The following NEK1 variants were observed in gnomAD, a reference collection of about 807,000 sequenced individuals.
NEK1 encodes NIMA related kinase 1.
A neutral mutation model predicts 182.1 loss-of-function variants in NEK1; 137 were observed. The observed-to-expected ratio is 0.75, with a 90% CI of 0.65 to 0.87. The LOEUF (loss-of-function observed/expected upper bound fraction) is 0.87, where lower values mean the gene tolerates loss of function less well. Among genes scored for constraint, NEK1 ranks in the 40% least tolerant of loss-of-function variants. NEK1 has a pLI of 0.00. For missense variants in NEK1, 1,391 were observed against 1,494.4 expected (o/e 0.93, Z 1.14); for synonymous variants, 513 against 492.2 (o/e 1.04, Z -0.56).
rs1762113629 is a variant in NEK1 at position 169,556,016 on chromosome 4, A to G, written c.1346T>C (p.Ile449Thr). ...SRGQYEHYHAIFDQMQQQRAE... is the reference protein window; with the variant it reads ...SRGQYEHYHATFDQMQQQRAE... ...TCTTTGTTGCTGCATTTGGTCAAAA[A>G]TGGCATGGTAATGTTCATACTGTCC... Residue 449 changes from isoleucine to threonine, a missense_variant, in exon 17 of 36, where the codon ATT becomes ACT. Ile to Thr is a moderately conservative substitution (Grantham distance 89). Coordinates refer to ENST00000507142, the MANE Select transcript of NEK1 (RefSeq NM_001199397.3). 1 of 1,613,680 alleles carries G rather than the reference A, an allele frequency of 6.2e-7. No individual in the cohort carries two copies. Among genetic ancestry groups the G allele is most frequent in the African/African-American group, 1.3e-5 (1 of 74,934 alleles).
Position 169,424,722 on chromosome 4 carries a change from A to C in NEK1, c.3053T>G (p.Val1018Gly). 6.2e-7 allele frequency: 1 copy of C among 1,613,876 alleles called. No individual in the cohort carries two copies. The highest frequency in any genetic ancestry group is 8.5e-7 in the Non-Finnish European group (1 of 1,179,784). The change falls in exon 31 of 36, where the codon GTG becomes GGG. Residue 1018 changes from valine to glycine, a missense_variant. Transcript: ENST00000507142. The stretch of plus-strand genomic sequence containing the variant: ...TAAGTTCAAGTGTTCAGAATGAACC[A>C]CCTTATGGAAAAATGGTTCCGGTTG... ...SVQPEPFFHK[V>G]VHSEHLNLVP...
intron 16 of NEK1, 124 bp from the exon 17 acceptor site, chr4:169,556,219 A>T (rs1292510473): frequency 9.5e-6 from 8 of 842,190 alleles, no homozygotes; most frequent in Non-Finnish European, 1.4e-5. Flanking sequence ...TAATATGAAC[A>T]TACTAACAAA....
At chr4:169,432,334 C>T (rs1737595307) in intron 29 of NEK1, among the ~76,000 whole-genome samples, 1 of 152,082 alleles carries the variant, frequency 6.6e-6, no homozygotes, top group African/African-American at 2.4e-5. Flanking sequence ...GAACAATAAC[C>T]AAATTACAAA....
chr4:169,550,435 G>A (rs1445243806), intron 18 of NEK1, among the ~76,000 whole-genome samples: 1 of 152,144 alleles, frequency 6.6e-6, no homozygotes, highest in Non-Finnish European at 1.5e-5. Context: ...AAGTGAGTGA[G>A]GTCAGGAACC....
intron 34 of NEK1, 23 bp from the exon 35 acceptor site, chr4:169,400,380 A>C: frequency 6.9e-7 from 1 of 1,456,998 alleles, no homozygotes; most frequent in African/African-American, 1.4e-5. Context: ...CCCAAATATA[A>C]ATTAATATTT....
chr4:169,428,350 G>GGA (rs1411639304), intron 29 of NEK1, among the ~76,000 whole-genome samples: 475 of 12,894 alleles, frequency 0.037, 11 homozygotes, highest in Non-Finnish European at 0.065. Context: ...AAAATATATG[G>GGA]GATATATATA....
intron 19 of NEK1, among the ~76,000 whole-genome samples, chr4:169,535,875 C>T (rs1442703066): frequency 1.6e-5 from 2 of 127,372 alleles, no homozygotes; most frequent in African/African-American, 3.1e-5. Context: ...AGTTAAACTC[C>T]GTGTCAAAAA....
chr4:169,529,715 T>G (rs1201587821), intron 19 of NEK1, among the ~76,000 whole-genome samples: 1 of 152,182 alleles, frequency 6.6e-6, no homozygotes, highest in Non-Finnish European at 1.5e-5. Context: ...ATAATAGAAC[T>G]TTCAAAGCTA....
At chr4:169,589,723 A>C (rs1768118690) in intron 6 of NEK1, among the ~76,000 whole-genome samples, 1 of 152,194 alleles carries the variant, frequency 6.6e-6, no homozygotes, top group Non-Finnish European at 1.5e-5. Flanking sequence ...ATCAAAACTA[A>C]AATACAAAAC....
At chr4:169,531,620 T>C (rs1184835196) in intron 19 of NEK1, among the ~76,000 whole-genome samples, 1 of 151,988 alleles carries the variant, frequency 6.6e-6, no homozygotes. Context: ...TGGTATGGCA[T>C]AGAATAGAAG....
intron 27 of NEK1, among the ~76,000 whole-genome samples, chr4:169,450,810 T>C (rs1741571796): frequency 6.6e-6 from 1 of 152,084 alleles, no homozygotes; most frequent in Non-Finnish European, 1.5e-5. Context: ...CATAACAATA[T>C]TAACCTTAAA....
intron 18 of NEK1, among the ~76,000 whole-genome samples, chr4:169,545,751 T>C (rs534386822): frequency 0.013 from 1,997 of 152,136 alleles, 41 homozygotes; most frequent in African/African-American, 0.045. Context: ...TTCTAACTGG[T>C]GTGAGATAAT....
intron 28 of NEK1, 48 bp downstream of exon 28, chr4:169,438,033 TAA>T (rs1738746719): frequency 7.1e-7 from 1 of 1,400,108 alleles, no homozygotes; most frequent in Admixed American, 2.3e-5. Context: ...TTGTGAAATT[TAA>T]GTTTTTACTA....
intron 18 of NEK1, chr4:169,554,751 C>T (rs183793797): frequency 1.4e-4 from 22 of 152,200 alleles, no homozygotes; most frequent in African/African-American, 3.1e-4. Context: ...TATAATTATA[C>T]ATTCGTCAAA....
intron 29 of NEK1, among the ~76,000 whole-genome samples, chr4:169,432,312 C>A (rs187195008): frequency 4.5e-4 from 68 of 152,266 alleles, no homozygotes; most frequent in African/African-American, 1.5e-3. Flanking sequence ...TAAACCAGTA[C>A]AACCTCCAGG....
chr4:169,421,048 G>A (rs1735408142), intron 31 of NEK1, among the ~76,000 whole-genome samples: 1 of 152,130 alleles, frequency 6.6e-6, no homozygotes, highest in Non-Finnish European at 1.5e-5. Context: ...GCATAAGAGA[G>A]CTGGAATGGC....
At chr4:169,540,754 A>G (rs977899235) in intron 18 of NEK1, among the ~76,000 whole-genome samples, 18 of 152,128 alleles carry the variant, frequency 1.2e-4, no homozygotes, top group Non-Finnish European at 5.9e-5. Flanking sequence ...AGTAAAACAC[A>G]AAGACATTAA....
At chr4:169,489,075 A>T (rs1197390184) in intron 23 of NEK1, among the ~76,000 whole-genome samples, 1 of 152,310 alleles carries the variant, frequency 6.6e-6, no homozygotes, top group East Asian at 1.9e-4. Flanking sequence ...TTTTTTTCCC[A>T]CTATACCAGT....
intron 18 of NEK1, among the ~76,000 whole-genome samples, chr4:169,551,812 C>G (rs1041012941): frequency 4.0e-5 from 6 of 151,786 alleles, no homozygotes. Flanking sequence ...AAAAAAGCCT[C>G]TTGTGATTTT....
Sources: allele counts gnomAD v4.1 joint callset (sites outside exome capture counted in the v4.1 genomes callset), GRCh38; gene constraint gnomAD v4.1.1; transcripts MANE v1.5; gene names NCBI Gene and HGNC (gene_info 2026-07-23, HGNC 2026-07-21).